The following ITPRID2 variants were observed in gnomAD, a reference collection of about 807,000 sequenced individuals.
ITPRID2 encodes ITPR interacting domain containing 2.
Under a neutral mutation model 124.3 loss-of-function variants are expected in ITPRID2, and 60 were observed. That is an observed-to-expected ratio of 0.48 (90% CI 0.39 to 0.60). The LOEUF is 0.60. Among genes scored for constraint, ITPRID2 ranks in the 20% least tolerant of loss-of-function variants. The pLI, the probability that ITPRID2 is intolerant of heterozygous loss-of-function variation, is 0.00. For missense variants in ITPRID2, 1,553 were observed against 1,512.2 expected, an observed-to-expected ratio of 1.03 and a Z score of -0.45; for synonymous variants, 521 against 542.9, an observed-to-expected ratio of 0.96 and a Z score of 0.56.
chr2:181,926,421 T>A (rs761349762), intron 16 of ITPRID2, among the ~76,000 whole-genome samples: 1 of 151,938 alleles, frequency 6.6e-6, no homozygotes, highest in Non-Finnish European at 1.5e-5. Context: ...TTGTCAAGAA[T>A]ACATTTTGGC....
chr2:181,899,206 G>C, intron 6 of ITPRID2, 94 bp downstream of exon 6: 1 of 875,610 alleles, frequency 1.1e-6, no homozygotes, highest in Non-Finnish European at 1.8e-6. Flanking sequence ...TTGATCATAT[G>C]AAATCAGAAA....
At chr2:181,926,673 G>T (rs899148138) in intron 16 of ITPRID2, among the ~76,000 whole-genome samples, 1 of 146,432 alleles carries the variant, frequency 6.8e-6, no homozygotes, top group Non-Finnish European at 1.5e-5. Flanking sequence ...ATATTGTACC[G>T]CTGCACTCCA....
At position 181,919,284 on chromosome 2, in the gene ITPRID2, CCAT is replaced by C. The variant is rs747698505; in HGVS notation, c.2994-11_2994-9del. 8 of 1,613,548 alleles carry C rather than the reference CCAT, an allele frequency of 5.0e-6. No individual in the cohort carries two copies. In the African/African-American group the frequency reaches 1.1e-4, roughly 22 times the overall value. ...CATTTTTCCAATTTTGTGCCCTTCA[CCAT>C]ACCAATAGGTTTGAAGTTGATCAGC... is the stretch of plus-strand genomic sequence containing the variant. On this transcript the variant is annotated splice_polypyrimidine_tract_variant and intron_variant, in intron 13 of 17. Transcript: ENST00000431877. The surrounding 1 kb of genome is among the most constrained non-coding windows in gnomAD (Gnocchi z 4.2).
At chr2:181,918,317 T>G in intron 11 of ITPRID2, 1 of 1,164,690 alleles carries the variant, frequency 8.6e-7, no homozygotes, top group African/African-American at 1.6e-5. Context: ...TTTTGTTTTT[T>G]TTTAGTTTCG....
chr2:181,897,851 C>G (rs1027665642), intron 4 of ITPRID2, among the ~76,000 whole-genome samples: 1 of 152,056 alleles, frequency 6.6e-6, no homozygotes, highest in African/African-American at 2.4e-5. Context: ...ACATTTAAAA[C>G]TCTGGAATAT....
At chr2:181,923,062 T>C (rs1459774456) in intron 16 of ITPRID2, among the ~76,000 whole-genome samples, 2 of 152,202 alleles carry the variant, frequency 1.3e-5, no homozygotes, top group African/African-American at 4.8e-5. Flanking sequence ...GGGTTTGCCC[T>C]AGGTGATAGC....
At chr2:181,913,292 C>T (rs926527454) in intron 9 of ITPRID2, among the ~76,000 whole-genome samples, 1 of 152,154 alleles carries the variant, frequency 6.6e-6, no homozygotes, top group African/African-American at 2.4e-5. Context: ...TGGTCTCGAT[C>T]TCCTAACCTC....
intron 7 of ITPRID2, among the ~76,000 whole-genome samples, chr2:181,901,210 G>A (rs1692639743): frequency 1.3e-5 from 2 of 152,142 alleles, no homozygotes; most frequent in South Asian, 4.1e-4. Flanking sequence ...GAGGAGCCTT[G>A]TTAATCTTAA....
rs2125055296 is a variant in ITPRID2, at chr2:181,892,682, C to T, written c.257+22C>T. 1.2e-6 allele frequency: 2 copies of T among 1,613,870 alleles called. No individual in the cohort carries two copies. Among genetic ancestry groups the T allele is most frequent in the South Asian group, 2.2e-5 (2 of 91,072 alleles). ...GCCGGTGAGTGCTCCCTGGTCCGCC[C>T]GCGTCCCGGGGGAGATCCGTGCGGA... On this transcript the variant is annotated intron_variant, in intron 2 of 17. Transcript: ENST00000431877. The surrounding 1 kb of genome is among the most constrained non-coding windows in gnomAD (Gnocchi z 5.2).
chr2:181,915,196 C>T lies in ITPRID2; in HGVS notation c.1576-20C>T. ...TTCTTACATATATTCTTCATCTTTC[C>T]ACCTATTTTCTTTTCACAGGTTCAG... On this transcript the variant is annotated intron_variant, in intron 10 of 17. Coordinates refer to ENST00000431877, the MANE Select transcript of ITPRID2 (RefSeq NM_001130445.3). The T allele has an allele frequency of 6.3e-7, 1 of 1,599,514 alleles. No individual in the cohort carries two copies.
In ITPRID2 at chr2:181,905,554, G is replaced by A. The variant is rs1286851437; in HGVS notation, c.1413+3088G>A. Among the ~76,000 whole-genome samples, 3 of 152,156 alleles carry A rather than the reference G, an allele frequency of 2.0e-5. No homozygotes were observed. Among genetic ancestry groups the A allele is most frequent in the African/African-American group, 7.2e-5 (3 of 41,448 alleles). On this transcript the variant is annotated intron_variant, in intron 8 of 17. Coordinates refer to ENST00000431877, the MANE Select transcript of ITPRID2 (RefSeq NM_001130445.3). This position sits in a 1 kb window ranked among gnomAD's most constrained non-coding sequence, Gnocchi z 4.1. ...TCAAGCAGATGTTCATCTTTTAGATGTAAAGGAAAAACTTAAGAAGGAGAA... is the reference window on the plus strand; with the variant it reads ...TCAAGCAGATGTTCATCTTTTAGATATAAAGGAAAAACTTAAGAAGGAGAA...
intron 17 of ITPRID2, among the ~76,000 whole-genome samples, chr2:181,928,825 A>G (rs1175720185): frequency 2.0e-5 from 3 of 151,850 alleles, no homozygotes; most frequent in African/African-American, 7.2e-5. Context: ...ACGGGGTTTC[A>G]CCGTTTTAGC....
In ITPRID2 at chr2:181,915,534, G is replaced by A; in HGVS notation, c.1894G>A (p.Glu632Lys). Reference protein sequence around the residue: ...TEVEEDLFPAETVELLREASA... With the variant: ...TEVEEDLFPAKTVELLREASA... ...AGTGGAAGAGGATTTGTTTCCAGCA[G>A]AGACAGTAGAGCTACTGAGGGAAGC... The change falls in exon 11 of 18, where the codon GAG becomes AAG. Residue 632 changes from glutamate (E) to lysine (K), a missense_variant. Coordinates refer to ENST00000431877, the MANE Select transcript of ITPRID2 (RefSeq NM_001130445.3). The A allele has an allele frequency of 1.2e-6, 2 of 1,614,222 alleles. No individual in the cohort carries two copies. Among genetic ancestry groups the A allele is most frequent in the African/African-American group, 1.3e-5 (1 of 75,054 alleles).
intron 8 of ITPRID2, among the ~76,000 whole-genome samples, chr2:181,906,138 C>T (rs558356838): frequency 7.2e-5 from 11 of 152,198 alleles, no homozygotes; most frequent in Admixed American, 1.3e-4. Flanking sequence ...TAAACTAGTA[C>T]GGAAAGAGAT....
chr2:181,899,862 C>G (rs1239815657), intron 6 of ITPRID2, among the ~76,000 whole-genome samples: 1 of 152,114 alleles, frequency 6.6e-6, no homozygotes, highest in Non-Finnish European at 1.5e-5. Flanking sequence ...TACCCTTGCC[C>G]CTCTCCCGCC....
chr2:181,899,056 G>C lies in ITPRID2; in HGVS notation c.447G>C (p.Gln149His). ...LAKERRLQFHQKGRSMNSTGS... is the reference protein window; with the variant it reads ...LAKERRLQFHHKGRSMNSTGS... ...AAGAGAGAAGATTACAGTTTCATCA[G>C]AAAGGGAGAAGTATGAATTCCACTG... Residue 149 changes from glutamine (Q) to histidine (H), a missense_variant, in exon 6 of 18, where the codon CAG becomes CAC. Coordinates refer to ENST00000431877, the MANE Select transcript of ITPRID2 (RefSeq NM_001130445.3). 6.2e-7 allele frequency: 1 copy of C among 1,611,634 alleles called. No individual in the cohort carries two copies. The highest frequency in any genetic ancestry group is 8.5e-7 in the Non-Finnish European group (1 of 1,179,250).
rs1426092099 is a variant in ITPRID2, at chr2:181,919,904, T to TA, written c.3144+459dup. On this transcript the variant is annotated intron_variant, in intron 14 of 17. Transcript: ENST00000431877. The surrounding 1 kb of genome is among the most constrained non-coding windows in gnomAD (Gnocchi z 4.2). ...ATTTGTTTTTAAAGGAATCAAATGA[T>TA]ACCTGTATATTTTCATACATATATA... Among the ~76,000 whole-genome samples, 1 of 152,062 alleles carries TA rather than the reference T, an allele frequency of 6.6e-6. No individual in the cohort carries two copies. The highest frequency in any genetic ancestry group is 1.5e-5 in the Non-Finnish European group (1 of 67,986).
In ITPRID2 at chr2:181,892,064, G is replaced by T; in HGVS notation, c.-3G>T. On this transcript the variant is annotated 5_prime_UTR_variant, in exon 1 of 18. Coordinates refer to ENST00000431877, the MANE Select transcript of ITPRID2 (RefSeq NM_001130445.3). This position sits in a 1 kb window ranked among gnomAD's most constrained non-coding sequence, Gnocchi z 5.2. ...CTGGGGTAGCGGAGCCCCCAGTGCG[G>T]CCATGGACCGGCCCCTGTCGTCGTC... The T allele has an allele frequency of 1.9e-6, 3 of 1,549,546 alleles. No individual in the cohort carries two copies. Among genetic ancestry groups the T allele is most frequent in the Admixed American group, 3.9e-5 (2 of 51,112 alleles).
rs964102999 is a variant in ITPRID2 at position 181,922,333 on chromosome 2, G to A, written c.3596G>A (p.Gly1199Glu). The change falls in exon 16 of 18, where the codon GGA becomes GAA. Residue 1199 changes from glycine (G) to glutamate (E), a missense_variant. Physicochemically the swap from Gly to Glu is moderately conservative, Grantham distance 98. Transcript: ENST00000431877. ...GPKSEVEEGHGKLPSMPAAEE... is the reference protein window; with the variant it reads ...GPKSEVEEGHEKLPSMPAAEE... ...AAATCTGAAGTGGAAGAAGGGCATG[G>A]AAAACTCCCATCAATGCCAGCTGCT... 2.5e-6 allele frequency: 4 copies of A among 1,614,080 alleles called. No homozygotes were observed. In the African/African-American group the frequency reaches 5.3e-5, roughly 22 times the overall value.
Sources: allele counts gnomAD v4.1 joint callset (sites outside exome capture counted in the v4.1 genomes callset), GRCh38; gene constraint gnomAD v4.1.1; non-coding constraint Gnocchi (gnomAD v3.1); transcripts MANE v1.5; gene names NCBI Gene and HGNC (gene_info 2026-07-23, HGNC 2026-07-21).